The following BTAF1 variants were observed in gnomAD, a reference collection of about 807,000 sequenced individuals.
The protein encoded by BTAF1 is TATA-binding protein-associated factor 172.
A neutral mutation model predicts 227.1 loss-of-function variants in BTAF1; 38 were observed. The ratio of observed to expected loss-of-function variants is 0.17; its 90% CI spans 0.13 to 0.22. The LOEUF is 0.22. BTAF1 is among the 10% of genes least tolerant of loss of function. The probability of loss-of-function intolerance (pLI) is 1.00; values close to 1 mark genes in which losing one functional copy is unlikely to be tolerated. For synonymous variants in BTAF1, 742 were observed against 751.9 expected (o/e 0.99, Z 0.21); for missense variants, 1,598 against 2,204.0 (o/e 0.73, Z 5.51).
chr10:91,939,121 ATAT>A (rs1844835716), intron 2 of BTAF1, among the ~76,000 whole-genome samples: 1 of 152,180 alleles, frequency 6.6e-6, no homozygotes, highest in Admixed American at 6.5e-5. Context: ...TTCTTCAACA[ATAT>A]TTTTAGTGTT....
chr10:92,011,436 T>C, intron 30 of BTAF1, 21 bp downstream of exon 30: 2 of 1,092,710 alleles, frequency 1.8e-6, no homozygotes, highest in Non-Finnish European at 2.4e-6. Context: ...ATTATTATTT[T>C]TTTTAATTAT....
At chr10:91,981,588 A>C (rs964899874) in intron 15 of BTAF1, 55 bp from the exon 16 acceptor site, 2 of 1,518,118 alleles carry the variant, frequency 1.3e-6, no homozygotes, top group Non-Finnish European at 1.8e-6. Flanking sequence ...GATAAGTGTT[A>C]GAGTTTATTT....
intron 33 of BTAF1, 23 bp from the exon 34 acceptor site, chr10:92,018,760 A>T: frequency 6.8e-7 from 1 of 1,465,570 alleles, no homozygotes; most frequent in Non-Finnish European, 9.1e-7. Flanking sequence ...TGACTCATAT[A>T]TACTTTTTTT....
chr10:91,981,706 A>G lies in BTAF1; in HGVS notation c.1819A>G (p.Met607Val), dbSNP rs1589869372. ...QYVVAAACPW[M>V]GAWLCLMMQP... ...TGTGGTAGCAGCTGCTTGCCCATGG[A>G]TGGGTGCTTGGCTTTGCTTGATGAT... Residue 607 changes from methionine to valine, a missense_variant, in exon 16 of 38, where the codon ATG (methionine) becomes GTG (valine). Transcript: ENST00000265990. 6.2e-7 allele frequency: 1 copy of G among 1,613,824 alleles called. No homozygotes were observed. The highest frequency in any genetic ancestry group is 8.5e-7 in the Non-Finnish European group (1 of 1,179,840).
At chr10:92,016,621 G>A (rs1188663420) in intron 33 of BTAF1, among the ~76,000 whole-genome samples, 156 bp downstream of exon 33, 1 of 151,974 alleles carries the variant, frequency 6.6e-6, no homozygotes, top group Non-Finnish European at 1.5e-5. Context: ...GAGTAGAGGT[G>A]TGCGCCACCA....
chr10:91,953,368 G>A (rs962224455), intron 5 of BTAF1, among the ~76,000 whole-genome samples: 5 of 152,124 alleles, frequency 3.3e-5, no homozygotes, highest in African/African-American at 9.7e-5. Flanking sequence ...TCAGCAGATG[G>A]TGATGATCAG....
Position 91,959,847 on chromosome 10 carries a change from A to C in BTAF1, c.1053A>C (p.Ala351=). 1 of 1,609,516 alleles carries C rather than the reference A, an allele frequency of 6.2e-7. No homozygotes were observed. Among genetic ancestry groups the C allele is most frequent in the Non-Finnish European group, 8.5e-7 (1 of 1,178,572 alleles). The change falls in exon 10 of 38, where the codon GCA becomes GCC. Residue 351 remains alanine (A), a synonymous_variant. Coordinates refer to ENST00000265990, the MANE Select transcript of BTAF1 (RefSeq NM_003972.3). The part of the protein sequence containing the change: ...DLVIRLLCVF[A]LDRFGDFVSD... ...TTATTAGACTCCTTTGTGTTTTTGC[A>C]TTAGACAGATTTGGAGACTTTGTTT...
chr10:91,932,703 A>G (rs534399173), intron 1 of BTAF1, among the ~76,000 whole-genome samples: 7 of 152,378 alleles, frequency 4.6e-5, no homozygotes, highest in South Asian at 2.1e-4. Flanking sequence ...GATTTCAGAA[A>G]AGGAAGTAAT....
chr10:92,003,171 G>A (rs960269680), intron 25 of BTAF1, among the ~76,000 whole-genome samples: 1 of 128,096 alleles, frequency 7.8e-6, no homozygotes, highest in East Asian at 2.3e-4. Flanking sequence ...AAAAAAAAAA[G>A]TTACGGCGTC....
chr10:91,928,738 TG>T (rs1467874483), intron 1 of BTAF1, among the ~76,000 whole-genome samples: 2 of 145,404 alleles, frequency 1.4e-5, no homozygotes, highest in Non-Finnish European at 3.0e-5. Context: ...CACTCCAGCC[TG>T]GGCAACAGAG....
At chr10:91,932,869 G>A (rs1352579034) in intron 1 of BTAF1, among the ~76,000 whole-genome samples, 1 of 152,200 alleles carries the variant, frequency 6.6e-6, no homozygotes, top group Non-Finnish European at 1.5e-5. Context: ...AGCAAGCTCA[G>A]GCACACCCGA....
At chr10:91,936,360 T>C (rs1193574364) in intron 2 of BTAF1, among the ~76,000 whole-genome samples, 2 of 138,910 alleles carry the variant, frequency 1.4e-5, no homozygotes, top group African/African-American at 5.8e-5. Flanking sequence ...GCAGGAGTGC[T>C]TTGTATAGGA....
chr10:91,959,275 A>G (rs572303760), intron 9 of BTAF1, 121 bp downstream of exon 9: 1 of 1,514,960 alleles, frequency 6.6e-7, no homozygotes, highest in South Asian at 1.3e-5. Flanking sequence ...AGGAAGAGAT[A>G]TGAAAAGGTA....
In BTAF1 at chr10:91,966,732, T is replaced by G; in HGVS notation, c.1625T>G (p.Phe542Cys). Residue 542 changes from phenylalanine (F) to cysteine (C), a missense_variant, in exon 14 of 38, where the codon TTT becomes TGT. Transcript: ENST00000265990. ...CGAAGAGCAGCATTGGAAACTCTGT[T>G]TACGTTATTATCAACACAGGACCAG... ...SVRRAALETL[F>C]TLLSTQDQNS... 6.2e-7 allele frequency: 1 copy of G among 1,613,958 alleles called. No individual in the cohort carries two copies. Among genetic ancestry groups the G allele is most frequent in the South Asian group, 1.1e-5 (1 of 91,080 alleles).
chr10:91,937,229 G>A (rs11598436), intron 2 of BTAF1, among the ~76,000 whole-genome samples: 45,805 of 151,826 alleles, frequency 0.3, 8,487 homozygotes, highest in South Asian at 0.52. Context: ...TCTGGACCTC[G>A]TGATCCTCCC....
chr10:91,951,922 A>G (rs939312947), intron 5 of BTAF1, among the ~76,000 whole-genome samples: 3 of 151,002 alleles, frequency 2.0e-5, no homozygotes, highest in African/African-American at 7.3e-5. Context: ...ATAGTCAGAT[A>G]TGATAGTAGA....
rs779547997 is a variant in BTAF1, at chr10:91,924,050, G to A, written c.-27G>A. The A allele has an allele frequency of 2.6e-5, 42 of 1,605,410 alleles. No homozygotes were observed. The South Asian group carries it at 2.8e-4, about 11-fold the overall frequency. ...CAGCTGCGCGGCGCGTAGGTCGCGG[G>A]GAGCTCCGAACCGCCGGCGCCCGGC... is the stretch of plus-strand genomic sequence containing the variant. On this transcript the variant is annotated 5_prime_UTR_variant, in exon 1 of 38. Transcript: ENST00000265990.
At chr10:92,022,721 A>G (rs1276771913) in intron 34 of BTAF1, among the ~76,000 whole-genome samples, 1 of 152,136 alleles carries the variant, frequency 6.6e-6, no homozygotes, top group African/African-American at 2.4e-5. Flanking sequence ...CCCAGCCAAT[A>G]TACATTATTT....
Position 91,992,180 on chromosome 10 carries a change from A to G in BTAF1, c.2916A>G (p.Thr972=). ...HTVTKHRGII[T]LYRHQKAAFA... is the part of the protein sequence containing the mutation. ...TCACCAAGCACAGAGGTATAATTAC[A>G]CTCTACAGGCACCAGAAAGCTGCCT... is the stretch of plus-strand genomic sequence containing the variant. Residue 972 remains threonine (T), a synonymous_variant, in exon 21 of 38, where the codon ACA becomes ACG. Coordinates refer to ENST00000265990, the MANE Select transcript of BTAF1 (RefSeq NM_003972.3). The G allele has an allele frequency of 6.2e-7, 1 of 1,613,790 alleles. No individual in the cohort carries two copies. The highest frequency in any genetic ancestry group is 8.5e-7 in the Non-Finnish European group (1 of 1,179,920).
Sources: gnomAD v4.1 joint callset for allele counts (sites outside exome capture counted in the v4.1 genomes callset) on GRCh38, gnomAD v4.1.1 for gene constraint, MANE v1.5 for transcripts, NCBI Gene and HGNC (gene_info 2026-07-23, HGNC 2026-07-21) for gene names.